Variants in TMEFF1 observed in about 807,000 individuals in gnomAD.
TMEFF1 encodes the protein transmembrane protein with EGF like and two follistatin like domains 1, also known as tomoregulin-1.
TMEFF1 carries 20 observed loss-of-function variants against 47.5 expected under a neutral mutation model. The ratio of observed to expected loss-of-function variants is 0.42; its 90% CI spans 0.30 to 0.61. TMEFF1 has a LOEUF of 0.61. Among genes scored for constraint, TMEFF1 ranks in the 20% least tolerant of loss-of-function variants. The pLI is 0.19. For missense variants in TMEFF1, 411 were observed against 471.1 expected, an observed-to-expected ratio of 0.87 and a Z score of 1.18; for synonymous variants, 162 against 166.3, an observed-to-expected ratio of 0.97 and a Z score of 0.20.
chr9:100,542,881 G>C (rs1838658687), intron 5 of TMEFF1, among the ~76,000 whole-genome samples: 2 of 146,662 alleles, frequency 1.4e-5, no homozygotes, highest in South Asian at 4.4e-4. Flanking sequence ...ATGCTAATGA[G>C]ATTTTTGTTA....
chr9:100,527,711 G>A (rs1056466307), intron 5 of TMEFF1, among the ~76,000 whole-genome samples: 108 of 152,300 alleles, frequency 7.1e-4, no homozygotes, highest in African/African-American at 2.2e-3. Context: ...CAAAGCAGCC[G>A]GGAAGCTCGA....
chr9:100,502,781 TC>T (rs1309292881), intron 2 of TMEFF1, among the ~76,000 whole-genome samples: 1 of 152,220 alleles, frequency 6.6e-6, no homozygotes, highest in Non-Finnish European at 1.5e-5. Flanking sequence ...CCATGATCTG[TC>T]TGAATTCCTT....
chr9:100,543,482 T>C (rs1838671890), intron 5 of TMEFF1, among the ~76,000 whole-genome samples: 1 of 152,178 alleles, frequency 6.6e-6, no homozygotes, highest in Admixed American at 6.5e-5. Flanking sequence ...AATGTGTCTC[T>C]GTGGGCTGAG....
chr9:100,501,408 T>C (rs1837756438), intron 2 of TMEFF1, among the ~76,000 whole-genome samples: 1 of 152,202 alleles, frequency 6.6e-6, no homozygotes, highest in South Asian at 2.1e-4. Context: ...AAATGTGCTG[T>C]ATATTTGTTA....
intron 7 of TMEFF1, among the ~76,000 whole-genome samples, chr9:100,553,018 A>C (rs1157280988): frequency 6.6e-6 from 1 of 152,190 alleles, no homozygotes; most frequent in African/African-American, 2.4e-5. Flanking sequence ...AGAAGGCCCA[A>C]CTTGGGATGA....
At chr9:100,498,727 GC>G (rs1164811272) in intron 1 of TMEFF1, 37 bp from the exon 2 acceptor site, 1 of 1,606,216 alleles carries the variant, frequency 6.2e-7, no homozygotes, top group South Asian at 1.1e-5. Context: ...GTAATAAAAA[GC>G]CAAATATATA....
At chr9:100,516,547 G>A in intron 4 of TMEFF1, 128 bp from the exon 5 acceptor site, 3 of 1,194,806 alleles carry the variant, frequency 2.5e-6, no homozygotes. Flanking sequence ...GTAGATTTTG[G>A]AAGTGACTGT....
chr9:100,542,120 A>AT (rs968559282), intron 5 of TMEFF1, among the ~76,000 whole-genome samples: 40 of 133,408 alleles, frequency 3.0e-4, no homozygotes, highest in South Asian at 4.7e-4. Flanking sequence ...CCTTTTTTGG[A>AT]TTTTTTTTTT....
intron 9 of TMEFF1, among the ~76,000 whole-genome samples, chr9:100,575,800 T>C (rs1564031445): frequency 6.6e-6 from 1 of 151,918 alleles, no homozygotes; most frequent in Non-Finnish European, 1.5e-5. Context: ...TTACTCCACA[T>C]TGCATAGCAC....
chr9:100,572,810 T>C, intron 9 of TMEFF1, 134 bp downstream of exon 9: 1 of 1,130,738 alleles, frequency 8.8e-7, no homozygotes, highest in South Asian at 1.9e-5. Flanking sequence ...GGTCTCTCCC[T>C]ATCCTTCTTC....
At chr9:100,479,977 T>G (rs1197013375) in intron 1 of TMEFF1, among the ~76,000 whole-genome samples, 1 of 152,210 alleles carries the variant, frequency 6.6e-6, no homozygotes, top group African/African-American at 2.4e-5. Flanking sequence ...CATTTTACAT[T>G]TCTACCAGCA....
At chr9:100,475,104 A>G (rs1012423598) in intron 1 of TMEFF1, among the ~76,000 whole-genome samples, 1 of 152,186 alleles carries the variant, frequency 6.6e-6, no homozygotes, top group African/African-American at 2.4e-5. Context: ...GGAGGAACAT[A>G]AGGCCACTGG....
intron 5 of TMEFF1, among the ~76,000 whole-genome samples, chr9:100,539,032 G>A (rs1838571674): frequency 6.6e-6 from 1 of 152,188 alleles, no homozygotes; most frequent in African/African-American, 2.4e-5. Context: ...ACAGCCTCCT[G>A]AGTAACTGGG....
intron 7 of TMEFF1, among the ~76,000 whole-genome samples, chr9:100,557,898 A>C (rs1838945028): frequency 6.6e-6 from 1 of 151,092 alleles, no homozygotes; most frequent in African/African-American, 2.4e-5. Flanking sequence ...AATAGTATGT[A>C]CGTTTAATGG....
chr9:100,558,238 G>A (rs942905747), intron 7 of TMEFF1, among the ~76,000 whole-genome samples: 7 of 152,068 alleles, frequency 4.6e-5, no homozygotes, highest in African/African-American at 1.2e-4. Context: ...CATTACCACA[G>A]CCTCTACAGA....
intron 1 of TMEFF1, among the ~76,000 whole-genome samples, chr9:100,475,883 G>A (rs976951829): frequency 6.6e-6 from 1 of 151,586 alleles, no homozygotes; most frequent in African/African-American, 2.4e-5. Context: ...CTGGGGCTCA[G>A]TTAGTCACCC....
intron 5 of TMEFF1, among the ~76,000 whole-genome samples, chr9:100,526,162 C>G (rs1422843061): frequency 6.6e-6 from 1 of 152,138 alleles, no homozygotes; most frequent in Admixed American, 6.5e-5. Flanking sequence ...GCTTTGTTGT[C>G]TTCTAGCTTC....
intron 5 of TMEFF1, among the ~76,000 whole-genome samples, chr9:100,531,039 C>G (rs1402761588): frequency 6.6e-6 from 1 of 151,500 alleles, no homozygotes; most frequent in African/African-American, 2.4e-5. Context: ...TTCAACAACC[C>G]TTCATGCTAA....
At chr9:100,512,031 A>G (rs1837977588) in intron 3 of TMEFF1, among the ~76,000 whole-genome samples, 1 of 152,164 alleles carries the variant, frequency 6.6e-6, no homozygotes, top group Non-Finnish European at 1.5e-5. Context: ...TACTGGGAAT[A>G]TGTCTTATTT....
Sources: gnomAD v4.1 joint callset for allele counts (sites outside exome capture counted in the v4.1 genomes callset) on GRCh38, gnomAD v4.1.1 for gene constraint, MANE v1.5 for transcripts, NCBI Gene and HGNC (gene_info 2026-07-23, HGNC 2026-07-21) for gene names.